The following CDH13 variants were observed in gnomAD, a reference collection of about 807,000 sequenced individuals.
CDH13 encodes cadherin-13.
CDH13 carries 24 observed loss-of-function variants against 63.8 expected under a neutral mutation model. The ratio of observed to expected loss-of-function variants is 0.38; its 90% CI spans 0.27 to 0.53. The LOEUF (loss-of-function observed/expected upper bound fraction) is 0.53. CDH13 is among the 20% of genes least tolerant of loss of function. The probability of loss-of-function intolerance (pLI) is 0.85; values close to 1 mark genes in which losing one functional copy is unlikely to be tolerated. For synonymous variants in CDH13, 503 were observed against 355.3 expected, an observed-to-expected ratio of 1.42 and a Z score of -4.67; for missense variants, 1,049 against 903.1, an observed-to-expected ratio of 1.16 and a Z score of -2.07.
intron 1 of CDH13, among the ~76,000 whole-genome samples, chr16:82,676,260 ACC>A (rs1259844659): frequency 6.6e-6 from 1 of 152,138 alleles, no homozygotes; most frequent in African/African-American, 2.4e-5. Flanking sequence ...TCTCAAAGGC[ACC>A]TTGGATTCCA....
intron 2 of CDH13, among the ~76,000 whole-genome samples, chr16:82,913,306 C>T (rs546626580): frequency 2.0e-5 from 3 of 152,068 alleles, no homozygotes; most frequent in Admixed American, 6.6e-5. Context: ...AGATGTGAGC[C>T]GCCGGCTCAT....
intron 1 of CDH13, among the ~76,000 whole-genome samples, chr16:82,676,896 G>GTTTTGTTTTGT (rs370108283): frequency 2.4e-4 from 35 of 147,288 alleles, no homozygotes; most frequent in African/African-American, 8.5e-4. Flanking sequence ...GTTTTGTTTT[G>GTTTTGTTTTGT]TTTTTTTCAA....
At chr16:83,651,748 A>T (rs1183819830) in intron 8 of CDH13, among the ~76,000 whole-genome samples, 2 of 148,530 alleles carry the variant, frequency 1.3e-5, no homozygotes, top group Admixed American at 6.8e-5. Flanking sequence ...GGCGCCCACT[A>T]CCATGCCTGG....
chr16:83,647,473 G>A (rs1332497658), intron 8 of CDH13, among the ~76,000 whole-genome samples: 2 of 152,160 alleles, frequency 1.3e-5, no homozygotes, highest in East Asian at 1.9e-4. Context: ...GATGCTAGAT[G>A]TTGGCTCACT....
chr16:82,663,236 G>T (rs1460594701), intron 1 of CDH13, among the ~76,000 whole-genome samples: 3 of 152,166 alleles, frequency 2.0e-5, no homozygotes, highest in Non-Finnish European at 4.4e-5. Flanking sequence ...GCCCTGGCTG[G>T]AGTGCAATGG....
chr16:83,240,379 G>T (rs921619158), intron 5 of CDH13, among the ~76,000 whole-genome samples: 1 of 152,082 alleles, frequency 6.6e-6, no homozygotes, highest in African/African-American at 2.4e-5. Context: ...GATGTGTTCA[G>T]ATATCTCTTT....
intron 10 of CDH13, among the ~76,000 whole-genome samples, chr16:83,738,797 T>C (rs909872566): frequency 5.3e-5 from 8 of 152,138 alleles, no homozygotes; most frequent in Non-Finnish European, 8.8e-5. Flanking sequence ...TCTCAGCTAC[T>C]TGGGAGCCTA....
At chr16:82,689,554 C>A (rs370939752) in intron 1 of CDH13, among the ~76,000 whole-genome samples, 4 of 152,112 alleles carry the variant, frequency 2.6e-5, no homozygotes, top group African/African-American at 4.8e-5. Flanking sequence ...GAGTGACTTC[C>A]GTCACTGCCA....
chr16:82,676,816 G>T (rs1049888083), intron 1 of CDH13, among the ~76,000 whole-genome samples: 1 of 152,074 alleles, frequency 6.6e-6, no homozygotes, highest in Non-Finnish European at 1.5e-5. Flanking sequence ...TTGTTAAGTT[G>T]CTGAGACTAT....
At chr16:82,703,213 AC>A (rs2031195869) in intron 1 of CDH13, among the ~76,000 whole-genome samples, 1 of 151,814 alleles carries the variant, frequency 6.6e-6, no homozygotes, top group South Asian at 2.1e-4. Context: ...TACTACACAC[AC>A]ACACACACAC....
intron 7 of CDH13, among the ~76,000 whole-genome samples, chr16:83,562,330 G>C (rs901831906): frequency 4.6e-5 from 7 of 151,674 alleles, no homozygotes; most frequent in African/African-American, 1.7e-4. Flanking sequence ...TCTACTACCA[G>C]AATAGAAAAA....
At chr16:83,523,479 C>G (rs896526709) in intron 7 of CDH13, among the ~76,000 whole-genome samples, 2 of 152,080 alleles carry the variant, frequency 1.3e-5, no homozygotes, top group African/African-American at 4.8e-5. Context: ...TGAAGAGAAA[C>G]TCACCTCCCA....
intron 2 of CDH13, among the ~76,000 whole-genome samples, chr16:82,992,252 A>G (rs1046897409): frequency 1.3e-5 from 2 of 152,204 alleles, no homozygotes; most frequent in Non-Finnish European, 2.9e-5. Context: ...TATTTGTGAA[A>G]TGAAGAGCTT....
chr16:83,165,657 A>T (rs1207191737), intron 4 of CDH13, among the ~76,000 whole-genome samples: 1 of 152,050 alleles, frequency 6.6e-6, no homozygotes, highest in East Asian at 1.9e-4. Flanking sequence ...GATAAGAAGC[A>T]AATAACAGTG....
intron 6 of CDH13, among the ~76,000 whole-genome samples, chr16:83,462,875 A>G (rs2073215638): frequency 1.3e-5 from 2 of 152,166 alleles, no homozygotes; most frequent in Non-Finnish European, 1.5e-5. Flanking sequence ...AAGTTTATGT[A>G]ATACCTAGAT....
chr16:82,871,466 A>G (rs1262404441), intron 2 of CDH13, among the ~76,000 whole-genome samples: 1 of 152,184 alleles, frequency 6.6e-6, no homozygotes, highest in African/African-American at 2.4e-5. Context: ...GGAGAGCCCC[A>G]GGGAGATCCA....
chr16:83,628,951 A>G (rs754298819), intron 8 of CDH13, among the ~76,000 whole-genome samples: 8 of 152,238 alleles, frequency 5.3e-5, no homozygotes, highest in Non-Finnish European at 8.8e-5. Flanking sequence ...ATTTGCACCA[A>G]TATCAAACAT....
chr16:83,273,115 C>G (rs546127675), intron 5 of CDH13, among the ~76,000 whole-genome samples: 1 of 152,190 alleles, frequency 6.6e-6, no homozygotes, highest in South Asian at 2.1e-4. Flanking sequence ...GTCTTTCACC[C>G]TAGTTTTGGT....
At chr16:83,674,139 T>C (rs1266008381) in intron 9 of CDH13, among the ~76,000 whole-genome samples, 1 of 152,206 alleles carries the variant, frequency 6.6e-6, no homozygotes, top group Non-Finnish European at 1.5e-5. Context: ...CAGGGATGCA[T>C]TCTGTTGCAA....
Sources: gnomAD v4.1 joint callset for allele counts (sites outside exome capture counted in the v4.1 genomes callset) on GRCh38, gnomAD v4.1.1 for gene constraint, MANE v1.5 for transcripts, NCBI Gene and HGNC (gene_info 2026-07-23, HGNC 2026-07-21) for gene names.